Variants in PCDH15 observed in about 807,000 individuals in gnomAD.
PCDH15 encodes the protein protocadherin-15.
In PCDH15, 129 loss-of-function variants were observed where a neutral mutation model predicts 178.5. The observed-to-expected ratio is 0.72, with a 90% CI of 0.63 to 0.84. PCDH15 has a LOEUF of 0.84. Ranked by LOEUF, PCDH15 falls within the 40% of genes least tolerant of loss-of-function variation. PCDH15 has a pLI of 0.00. For synonymous variants in PCDH15, 800 were observed against 732.0 expected, an observed-to-expected ratio of 1.09 and a Z score of -1.50; for missense variants, 2,230 against 2,099.9, an observed-to-expected ratio of 1.06 and a Z score of -1.21.
chr10:54,966,920 T>C (rs1308521468), intron 2 of PCDH15, among the ~76,000 whole-genome samples: 2 of 152,116 alleles, frequency 1.3e-5, no homozygotes, highest in African/African-American at 4.8e-5. Flanking sequence ...AGTAAGTAGT[T>C]GTGTATCTAA....
At chr10:54,892,570 G>T (rs920477334) in intron 3 of PCDH15, among the ~76,000 whole-genome samples, 4 of 151,284 alleles carry the variant, frequency 2.6e-5, no homozygotes, top group African/African-American at 9.7e-5. Context: ...GGAATATTCT[G>T]TCACCAAATT....
intron 1 of PCDH15, 83 bp from the exon 2 acceptor site, chr10:54,664,373 AGCCTTAAT>A: frequency 1.2e-6 from 1 of 868,704 alleles, no homozygotes. Context: ...AGCACAGAAA[AGCCTTAAT>A]GACTTCATAG....
At chr10:55,171,858 AGT>A (rs1839341272) in intron 1 of PCDH15, among the ~76,000 whole-genome samples, 1 of 152,052 alleles carries the variant, frequency 6.6e-6, no homozygotes, top group Non-Finnish European at 1.5e-5. Context: ...ATGGCTAAAT[AGT>A]AGTGATGTAC....
At chr10:54,008,179 A>G (rs1318797478) in intron 20 of PCDH15, among the ~76,000 whole-genome samples, 1 of 152,204 alleles carries the variant, frequency 6.6e-6, no homozygotes, top group African/African-American at 2.4e-5. Flanking sequence ...AAGTGGTATT[A>G]CATATGTCTA....
intron 2 of PCDH15, among the ~76,000 whole-genome samples, chr10:54,533,318 CA>C (rs2084124188): frequency 6.6e-6 from 1 of 151,978 alleles, no homozygotes; most frequent in Non-Finnish European, 1.5e-5. Flanking sequence ...AAAAAATTGA[CA>C]GATAATTTGT....
At position 54,351,409 on chromosome 10, in the gene PCDH15, G is replaced by T. The variant is rs1006934031; in HGVS notation, c.475-4925C>A. On this transcript the variant is annotated intron_variant, in intron 5 of 37. Transcript: ENST00000644397. ...CTTGACAGCCTATTTGCATCCAAAA[G>T]CTCTTTAAAGACAGACCATAATTTT... is the stretch of plus-strand genomic sequence containing the variant. Among the ~76,000 whole-genome samples, 6 of 151,936 alleles carry T rather than the reference G, an allele frequency of 3.9e-5. No homozygotes were observed. The East Asian group carries it at 9.7e-4, about 24-fold the overall frequency.
rs1436013283 is a variant in PCDH15 at position 54,490,498 on chromosome 10, T to C, written c.157+37314A>G. Among the ~76,000 whole-genome samples, 8 of 151,524 alleles carry C rather than the reference T, an allele frequency of 5.3e-5. No individual in the cohort carries two copies. In the South Asian group the frequency reaches 1.0e-3, roughly 20 times the overall value. On this transcript the variant is annotated intron_variant, in intron 3 of 37. Coordinates refer to ENST00000644397, the MANE Select transcript of PCDH15 (RefSeq NM_001384140.1). The stretch of plus-strand genomic sequence containing the variant: ...ATAACTAATAAATAAATAAATAATG[T>C]CTCAAAAATAAATAATTTTTTAATA...
At chr10:55,552,701 AT>A (rs1232749353) in intron 2 of PCDH15, among the ~76,000 whole-genome samples, 1 of 151,368 alleles carries the variant, frequency 6.6e-6, no homozygotes, top group Non-Finnish European at 1.5e-5. Context: ...GTGAATTCCA[AT>A]TCAAAATATA....
intron 2 of PCDH15, among the ~76,000 whole-genome samples, chr10:54,621,243 T>C (rs2093340318): frequency 6.6e-6 from 1 of 151,986 alleles, no homozygotes; most frequent in Non-Finnish European, 1.5e-5. Flanking sequence ...GAACATATAT[T>C]GATTAGTGAC....
intron 1 of PCDH15, among the ~76,000 whole-genome samples, chr10:55,264,599 G>A (rs1167316539): frequency 6.6e-6 from 1 of 152,128 alleles, no homozygotes; most frequent in Non-Finnish European, 1.5e-5. Context: ...AAGAAAGAAG[G>A]AAATGAGGGA....
chr10:55,034,395 C>T (rs74774671), intron 2 of PCDH15, among the ~76,000 whole-genome samples: 18,188 of 152,140 alleles, frequency 0.12, 1,239 homozygotes, highest in Middle Eastern at 0.19. Flanking sequence ...TTAAAATGAT[C>T]AATTGCAGAT....
At chr10:54,654,230 A>G (rs1397423805) in intron 2 of PCDH15, among the ~76,000 whole-genome samples, 1 of 152,216 alleles carries the variant, frequency 6.6e-6, no homozygotes, top group Non-Finnish European at 1.5e-5. Flanking sequence ...GAAAGCTGAC[A>G]GTTACAAAGG....
intron 2 of PCDH15, among the ~76,000 whole-genome samples, chr10:55,594,016 G>A (rs1842894923): frequency 6.6e-6 from 1 of 151,862 alleles, no homozygotes; most frequent in African/African-American, 2.4e-5. Context: ...TAGAGTGCTT[G>A]TGTCCTAAAC....
At chr10:53,880,861 A>G (rs900429406) in intron 26 of PCDH15, among the ~76,000 whole-genome samples, 2 of 152,092 alleles carry the variant, frequency 1.3e-5, no homozygotes, top group Non-Finnish European at 2.9e-5. Flanking sequence ...GTCTCCTCGA[A>G]TTTATATAAT....
At chr10:54,298,910 A>T (rs2133214464) in intron 8 of PCDH15, among the ~76,000 whole-genome samples, 1 of 152,374 alleles carries the variant, frequency 6.6e-6, no homozygotes, top group East Asian at 1.9e-4. Flanking sequence ...TACAGATAGT[A>T]AGTATGCTTA....
At chr10:54,346,629 AAC>A (rs1170098597) in intron 5 of PCDH15, 145 bp from the exon 6 acceptor site, 4 of 917,214 alleles carry the variant, frequency 4.4e-6, no homozygotes, top group Non-Finnish European at 6.9e-6. Context: ...GTTTCAAAAG[AAC>A]AGTTTTGAGC....
At chr10:54,645,233 G>A (rs756896294) in intron 2 of PCDH15, among the ~76,000 whole-genome samples, 6 of 152,098 alleles carry the variant, frequency 3.9e-5, no homozygotes, top group Non-Finnish European at 8.8e-5. Flanking sequence ...CAGTTGATAT[G>A]CAAAAATTAT....
At chr10:55,530,051 C>T (rs1332856601) in intron 2 of PCDH15, among the ~76,000 whole-genome samples, 2 of 151,572 alleles carry the variant, frequency 1.3e-5, no homozygotes, top group African/African-American at 4.8e-5. Context: ...TTAAAATGAG[C>T]ATTGTCTCAT....
chr10:55,251,699 T>C (rs959358904), intron 1 of PCDH15, among the ~76,000 whole-genome samples: 2 of 152,208 alleles, frequency 1.3e-5, no homozygotes, highest in Admixed American at 6.5e-5. Flanking sequence ...TGTCCACAGG[T>C]CCAATTGTTG....
Sources: gnomAD v4.1 joint callset for allele counts (sites outside exome capture counted in the v4.1 genomes callset) on GRCh38, gnomAD v4.1.1 for gene constraint, MANE v1.5 for transcripts, NCBI Gene and HGNC (gene_info 2026-07-23, HGNC 2026-07-21) for gene names.